UBE4B: variants seen among roughly 807,000 people sequenced by gnomAD.
UBE4B encodes ubiquitin conjugation factor E4 B.
Under a neutral mutation model 148.1 loss-of-function variants are expected in UBE4B, and 27 were observed. That is an observed-to-expected ratio of 0.18 (90% CI 0.13 to 0.25). The LOEUF (loss-of-function observed/expected upper bound fraction) is 0.25, where lower values mean the gene tolerates loss of function less well. Ranked by LOEUF, UBE4B falls within the 10% of genes least tolerant of loss-of-function variation. The pLI is 1.00. For missense variants in UBE4B, 1,170 were observed against 1,662.4 expected (o/e 0.70, Z 5.15); for synonymous variants, 596 against 619.3 (o/e 0.96, Z 0.56).
intron 3 of UBE4B, among the ~76,000 whole-genome samples, chr1:10,099,963 T>C (rs1644982743): frequency 6.6e-6 from 1 of 152,138 alleles, no homozygotes; most frequent in African/African-American, 2.4e-5. Flanking sequence ...AGTTGAGTTT[T>C]TTATTTTCTT....
At position 10,135,143 on chromosome 1, in the gene UBE4B, G is replaced by A. The variant is rs971765108; in HGVS notation, c.2181G>A (p.Val727=). 1 of 1,613,798 alleles carries A rather than the reference G, an allele frequency of 6.2e-7. No homozygotes were observed. The highest frequency in any genetic ancestry group is 8.5e-7 in the Non-Finnish European group (1 of 1,179,950). The change falls in exon 16 of 28, where the codon GTG becomes GTA. Residue 727 remains valine, a synonymous_variant. Transcript: ENST00000343090. The part of the protein sequence containing the change: ...RITLPNDETR[V]NATMEDVNDW... Reference sequence around the variant, plus strand: ...CTCTTCCCAATGATGAGACGCGTGTGAATGCAACGATGGAAGATGTGAATG... The same window carrying A: ...CTCTTCCCAATGATGAGACGCGTGTAAATGCAACGATGGAAGATGTGAATG...
intron 10 of UBE4B, 117 bp from the exon 11 acceptor site, chr1:10,126,677 C>G (rs779997798): frequency 2.2e-5 from 19 of 861,892 alleles, no homozygotes; most frequent in Non-Finnish European, 2.9e-5. Context: ...TGCAAAAAAG[C>G]TTTTCCCTGG....
chr1:10,107,262 T>G (rs1304114891), intron 7 of UBE4B: 1 of 1,289,640 alleles, frequency 7.8e-7, no homozygotes, highest in Admixed American at 2.3e-5. Context: ...CCTCGCACTT[T>G]CTGGGGACAG....
At chr1:10,051,373 A>G (rs1392426607) in intron 1 of UBE4B, among the ~76,000 whole-genome samples, 1 of 152,196 alleles carries the variant, frequency 6.6e-6, no homozygotes, top group Non-Finnish European at 1.5e-5. Context: ...TTAGTTCTCA[A>G]AGTAAGATTG....
chr1:10,121,396 C>A (rs1645408731), intron 9 of UBE4B, among the ~76,000 whole-genome samples: 1 of 151,976 alleles, frequency 6.6e-6, no homozygotes, highest in Admixed American at 6.6e-5. Flanking sequence ...TATAATACTT[C>A]TTTTTTATTT....
At chr1:10,069,847 T>C (rs1441966501) in intron 1 of UBE4B, among the ~76,000 whole-genome samples, 3 of 152,124 alleles carry the variant, frequency 2.0e-5, no homozygotes, top group Non-Finnish European at 4.4e-5. Context: ...CGGATGTCCA[T>C]TGTGCAGAAA....
intron 2 of UBE4B, among the ~76,000 whole-genome samples, chr1:10,094,464 T>C (rs1481730261): frequency 2.6e-5 from 4 of 151,784 alleles, no homozygotes; most frequent in Admixed American, 2.6e-4. Flanking sequence ...GACGGAGTCT[T>C]GCTCTGTTGC....
chr1:10,093,623 T>C (rs2101870871), intron 2 of UBE4B, among the ~76,000 whole-genome samples: 1 of 152,328 alleles, frequency 6.6e-6, no homozygotes, highest in South Asian at 2.1e-4. Context: ...AGGGTTAAAA[T>C]TGTATTTATT....
intron 2 of UBE4B, 94 bp downstream of exon 2, chr1:10,072,308 G>A: frequency 7.1e-7 from 1 of 1,411,410 alleles, no homozygotes; most frequent in African/African-American, 1.5e-5. Context: ...AGATTAAAAT[G>A]AAGCAGACAT....
At chr1:10,130,066 C>G (rs72861493) in intron 12 of UBE4B, among the ~76,000 whole-genome samples, 5,619 of 151,974 alleles carry the variant, frequency 0.037, 131 homozygotes, top group Middle Eastern at 0.12. Context: ...CCAATAGTAT[C>G]CTGAAACTTA....
intron 2 of UBE4B, among the ~76,000 whole-genome samples, chr1:10,087,061 G>A (rs1334613268): frequency 6.6e-6 from 1 of 152,220 alleles, no homozygotes; most frequent in African/African-American, 2.4e-5. Flanking sequence ...GTTCTTTACA[G>A]TGGAGTTTGC....
Position 10,116,182 on chromosome 1 carries a change from G to A in UBE4B, c.1197-1277G>A, listed in dbSNP as rs564024299. Among the ~76,000 whole-genome samples, 26 of 151,980 alleles carry A rather than the reference G, an allele frequency of 1.7e-4. No homozygotes were observed. The South Asian group carries it at 2.9e-3, about 17-fold the overall frequency. Reference sequence around the variant, plus strand: ...TTTTAGGACAGCGTCTCTCTTTGTCGCCCAGGCAGGAGTGCAGTGGCATGA... The same window carrying A: ...TTTTAGGACAGCGTCTCTCTTTGTCACCCAGGCAGGAGTGCAGTGGCATGA... On this transcript the variant is annotated intron_variant, in intron 7 of 27. Coordinates refer to ENST00000343090, the MANE Select transcript of UBE4B (RefSeq NM_001105562.3).
intron 1 of UBE4B, among the ~76,000 whole-genome samples, chr1:10,052,023 G>A (rs373856925): frequency 2.6e-5 from 4 of 151,410 alleles, no homozygotes; most frequent in Non-Finnish European, 5.9e-5. Flanking sequence ...TTGCTTCTTT[G>A]TTCCCTGTCA....
Position 10,106,677 on chromosome 1 carries a change from G to T in UBE4B, c.1196+94G>T. 2.8e-6 allele frequency: 4 copies of T among 1,435,668 alleles called. No individual in the cohort carries two copies. Among genetic ancestry groups the T allele is most frequent in the Non-Finnish European group, 3.7e-6 (4 of 1,095,784 alleles). The allele number at this position is 1,435,668 out of a possible 1,614,324, so 88.9% of individuals were successfully genotyped here. On this transcript the variant is annotated intron_variant, in intron 7 of 27. Transcript: ENST00000343090. This position sits in a 1 kb window ranked among gnomAD's most constrained non-coding sequence, Gnocchi z 4.2. ...AGAAGTGCTGTGTGACACTGACTCT[G>T]TTAAATTGTTGTTTTGGGTTATTAA... is the stretch of plus-strand genomic sequence containing the variant.
At chr1:10,117,418 C>T (rs1645330413) in intron 7 of UBE4B, 41 bp from the exon 8 acceptor site, 1 of 1,606,984 alleles carries the variant, frequency 6.2e-7, no homozygotes, top group Non-Finnish European at 8.5e-7. Flanking sequence ...CAAAAATAAT[C>T]AAGAGATAAG....
chr1:10,091,823 T>C (rs1289523479), intron 2 of UBE4B, among the ~76,000 whole-genome samples: 2 of 152,184 alleles, frequency 1.3e-5, no homozygotes, highest in Non-Finnish European at 2.9e-5. Context: ...CAGGCTGGTC[T>C]CTAACTCCTG....
Position 10,106,584 on chromosome 1 carries a change from G to C in UBE4B, c.1196+1G>C. On this transcript the variant is annotated splice_donor_variant, in intron 7 of 27. Transcript: ENST00000343090. LOFTEE classifies it high-confidence loss of function. The surrounding 1 kb of genome is among the most constrained non-coding windows in gnomAD (Gnocchi z 4.2). ...CCTCCTCCCTGAGGATCTCTCCTAG[G>C]TATTTATCCCACAGGAGAGTTGCAT... 1.3e-6 allele frequency: 2 copies of C among 1,543,562 alleles called. No homozygotes were observed. The highest frequency in any genetic ancestry group is 1.7e-6 in the Non-Finnish European group (2 of 1,153,546).
At chr1:10,088,794 T>G (rs1052234242) in intron 2 of UBE4B, among the ~76,000 whole-genome samples, 4 of 152,168 alleles carry the variant, frequency 2.6e-5, no homozygotes, top group African/African-American at 9.6e-5. Context: ...TCCTCCTACC[T>G]CAGCCTCCTG....
At chr1:10,101,304 G>A in intron 4 of UBE4B, 109 bp downstream of exon 4, 1 of 970,928 alleles carries the variant, frequency 1.0e-6, no homozygotes. Context: ...GGAAGTCCTA[G>A]GCAGGTGATT....
Sources: gnomAD v4.1 joint callset for allele counts (sites outside exome capture counted in the v4.1 genomes callset) on GRCh38, gnomAD v4.1.1 for gene constraint, Gnocchi (gnomAD v3.1) non-coding constraint, MANE v1.5 for transcripts, NCBI Gene and HGNC (gene_info 2026-07-23, HGNC 2026-07-21) for gene names.